The following FYN variants were observed in gnomAD, a reference collection of about 807,000 sequenced individuals.
FYN encodes FYN proto-oncogene, Src family tyrosine kinase, also known as tyrosine-protein kinase Fyn.
A neutral mutation model predicts 70.2 loss-of-function variants in FYN; 10 were observed. That is an observed-to-expected ratio of 0.14 (90% CI 0.09 to 0.24). The LOEUF (loss-of-function observed/expected upper bound fraction) is 0.24, where lower values mean the gene tolerates loss of function less well. Among genes scored for constraint, FYN ranks in the 10% least tolerant of loss-of-function variants. The pLI is 1.00. For synonymous variants in FYN, 236 were observed against 248.6 expected (o/e 0.95, Z 0.48); for missense variants, 319 against 673.1 (o/e 0.47, Z 5.82).
At chr6:111,670,338 T>A (rs1798210837) in intron 13 of FYN, among the ~76,000 whole-genome samples, 1 of 152,178 alleles carries the variant, frequency 6.6e-6, no homozygotes, top group Non-Finnish European at 1.5e-5. Flanking sequence ...GATTCTTGCT[T>A]CCTTTAGGTC....
At chr6:111,720,111 G>A (rs1800860988) in intron 3 of FYN, 49 bp from the exon 4 acceptor site, 16 of 1,541,144 alleles carry the variant, frequency 1.0e-5, no homozygotes, top group Admixed American at 1.9e-5. Flanking sequence ...CTCCCTAGTT[G>A]CTGGGTTGCT....
Position 111,720,015 on chromosome 6 carries a change from T to G in FYN, c.37A>C (p.Lys13Gln). Residue 13 changes from lysine (K) to glutamine (Q), a missense_variant, in exon 4 of 14, where the codon AAA becomes CAA. Physicochemically the swap from Lys to Gln is moderately conservative, Grantham distance 53. Transcript: ENST00000354650. Reference sequence around the variant, plus strand: ...CTGCCGTCCCTCTCCTCCGTCAGTTTTGTTGCTTCTTTATCCTTACATTGC... The same window carrying G: ...CTGCCGTCCCTCTCCTCCGTCAGTTGTGTTGCTTCTTTATCCTTACATTGC... The part of the protein sequence containing the change: ...CVQCKDKEAT[K>Q]LTEERDGSLN... The G allele has an allele frequency of 6.2e-7, 1 of 1,612,604 alleles. No homozygotes were observed. The highest frequency in any genetic ancestry group is 8.5e-7 in the Non-Finnish European group (1 of 1,178,762).
intron 3 of FYN, among the ~76,000 whole-genome samples, chr6:111,766,003 G>A (rs1253232249): frequency 6.6e-6 from 1 of 152,188 alleles, no homozygotes; most frequent in Non-Finnish European, 1.5e-5. Flanking sequence ...AGGTGTTTAG[G>A]CCTTTCTTGG....
intron 6 of FYN, among the ~76,000 whole-genome samples, chr6:111,706,164 A>C (rs1800083827): frequency 6.6e-6 from 1 of 152,182 alleles, no homozygotes; most frequent in Non-Finnish European, 1.5e-5. Context: ...CTCCCCCTGC[A>C]CTTTCAAGCC....
chr6:111,725,102 T>C (rs1801132857), intron 3 of FYN, among the ~76,000 whole-genome samples: 1 of 152,172 alleles, frequency 6.6e-6, no homozygotes, highest in Admixed American at 6.5e-5. Context: ...CTGAAATTAT[T>C]TGACTTCAGG....
chr6:111,822,699 A>G (rs1049993249), intron 2 of FYN, among the ~76,000 whole-genome samples: 1 of 151,880 alleles, frequency 6.6e-6, no homozygotes, highest in African/African-American at 2.4e-5. Context: ...AATTTAAAAA[A>G]TAAAAAAAGA....
intron 2 of FYN, among the ~76,000 whole-genome samples, chr6:111,818,371 G>A (rs1772554912): frequency 6.6e-6 from 1 of 152,130 alleles, no homozygotes; most frequent in Non-Finnish European, 1.5e-5. Context: ...AGGTATGAGG[G>A]TGGCTGGCTT....
At chr6:111,742,198 G>C (rs1802007898) in intron 3 of FYN, among the ~76,000 whole-genome samples, 1 of 152,142 alleles carries the variant, frequency 6.6e-6, no homozygotes, top group African/African-American at 2.4e-5. Flanking sequence ...ACCTCAGAGA[G>C]GTTAAGGAAC....
At chr6:111,855,512 TTA>T (rs1773801244) in intron 1 of FYN, among the ~76,000 whole-genome samples, 1 of 152,168 alleles carries the variant, frequency 6.6e-6, no homozygotes, top group African/African-American at 2.4e-5. Flanking sequence ...TAACTAATAG[TTA>T]TATATACCCA....
chr6:111,742,534 G>A (rs564369338), intron 3 of FYN, among the ~76,000 whole-genome samples: 25 of 152,228 alleles, frequency 1.6e-4, no homozygotes, highest in African/African-American at 6.0e-4. Context: ...TTGATGCCTG[G>A]CTTATTATTG....
rs563702559 is a variant in FYN, at chr6:111,746,448, T to A, written c.-11-26386A>T. ...GTATGTATTCTTTGTGTCTACTTAT[T>A]TTATGTGGCAAGTTTTTGACATTTG... On this transcript the variant is annotated intron_variant, in intron 3 of 13. Coordinates refer to ENST00000354650, the MANE Select transcript of FYN (RefSeq NM_002037.5). Among the ~76,000 whole-genome samples, 12 of 152,308 alleles carry A rather than the reference T, an allele frequency of 7.9e-5. 2 individuals carry two copies. The East Asian group carries it at 2.3e-3, about 29-fold the overall frequency.
chr6:111,862,006 G>T (rs189716364), intron 1 of FYN, among the ~76,000 whole-genome samples: 1 of 152,252 alleles, frequency 6.6e-6, no homozygotes, highest in Admixed American at 6.5e-5. Context: ...GCCAAAATTG[G>T]GCTATACATG....
At chr6:111,773,330 G>GAGGGAA (rs1803526586) in intron 3 of FYN, among the ~76,000 whole-genome samples, 1 of 71,396 alleles carries the variant, frequency 1.4e-5, no homozygotes, top group Non-Finnish European at 2.6e-5. Flanking sequence ...GGGGGAGGGA[G>GAGGGAA]AGGGAAAGGG....
Position 111,712,314 on chromosome 6 carries a change from G to A in FYN, c.344+2033C>T, listed in dbSNP as rs965389796. On this transcript the variant is annotated intron_variant, in intron 5 of 13. Transcript: ENST00000354650. ...CTAATCAACCTTGGCATGTAGGGGA[G>A]GCTAAGGGGCGGAGGATTTCAGAAT... Among the ~76,000 whole-genome samples the A allele has an allele frequency of 4.6e-5, 7 of 152,290 alleles. No individual in the cohort carries two copies. In the Middle Eastern group the frequency reaches 0.014, roughly 296 times the overall value.
chr6:111,773,625 A>AGGGAAAGAGGGGGG (rs1562515469), intron 3 of FYN, among the ~76,000 whole-genome samples: 1 of 38,842 alleles, frequency 2.6e-5, no homozygotes, highest in Non-Finnish European at 4.6e-5. Flanking sequence ...AGAGAGGGGG[A>AGGGAAAGAGGGGGG]AAGGAGAGGG....
chr6:111,735,739 T>C (rs956461743), intron 3 of FYN, among the ~76,000 whole-genome samples: 1 of 152,154 alleles, frequency 6.6e-6, no homozygotes, highest in South Asian at 2.1e-4. Flanking sequence ...AAGCTATGAC[T>C]TCCTAAGTGG....
At chr6:111,789,808 C>T (rs1362199957) in intron 2 of FYN, among the ~76,000 whole-genome samples, 1 of 152,234 alleles carries the variant, frequency 6.6e-6, no homozygotes, top group African/African-American at 2.4e-5. Context: ...AGAAACACTG[C>T]TTTGCTATGA....
At chr6:111,679,553 C>T (rs1398168643) in intron 12 of FYN, among the ~76,000 whole-genome samples, 1 of 152,136 alleles carries the variant, frequency 6.6e-6, no homozygotes, top group Non-Finnish European at 1.5e-5. Context: ...GCTGGTCAGC[C>T]CTCCCAGCCC....
chr6:111,773,990 C>T (rs936104486), intron 3 of FYN, among the ~76,000 whole-genome samples: 1 of 152,186 alleles, frequency 6.6e-6, no homozygotes, highest in Non-Finnish European at 1.5e-5. Context: ...GAAATCAACA[C>T]CCAATTTGCT....
Sources: gnomAD v4.1 joint callset for allele counts (sites outside exome capture counted in the v4.1 genomes callset) on GRCh38, gnomAD v4.1.1 for gene constraint, MANE v1.5 for transcripts, NCBI Gene and HGNC (gene_info 2026-07-23, HGNC 2026-07-21) for gene names.